Variants in AKAP6 observed in about 807,000 individuals in gnomAD.
The protein encoded by AKAP6 is A-kinase anchoring protein 6, also known as A-kinase anchor protein 6.
A neutral mutation model predicts 188.5 loss-of-function variants in AKAP6; 58 were observed. The ratio of observed to expected loss-of-function variants is 0.31; its 90% CI spans 0.25 to 0.38. AKAP6 has a LOEUF of 0.38. Ranked by LOEUF, AKAP6 falls within the 10% of genes least tolerant of loss-of-function variation. The pLI is 1.00. For missense variants in AKAP6, 2,710 were observed against 2,740.0 expected (o/e 0.99, Z 0.24); for synonymous variants, 989 against 998.6 (o/e 0.99, Z 0.18).
chr14:32,510,464 A>ATATATATATACATATATATATGTG, intron 2 of AKAP6, among the ~76,000 whole-genome samples: 1 of 70,054 alleles, frequency 1.4e-5, no homozygotes, highest in African/African-American at 5.3e-5. Context: ...ATATATGTGT[A>ATATATATATACATATATATATGTG]TATATATATA....
At chr14:32,815,585 T>A (rs1316870826) in intron 12 of AKAP6, among the ~76,000 whole-genome samples, 1 of 152,228 alleles carries the variant, frequency 6.6e-6, no homozygotes, top group Non-Finnish European at 1.5e-5. Context: ...TCATTTACAG[T>A]GCAGTAGAGG....
chr14:32,639,813 TC>T (rs1887677785), intron 7 of AKAP6, among the ~76,000 whole-genome samples: 1 of 152,052 alleles, frequency 6.6e-6, no homozygotes, highest in South Asian at 2.1e-4. Context: ...GAAAATGTCT[TC>T]AGGCTGAAAG....
At chr14:32,825,387 G>A (rs1594990122) in intron 13 of AKAP6, among the ~76,000 whole-genome samples, 1 of 152,290 alleles carries the variant, frequency 6.6e-6, no homozygotes, top group East Asian at 1.9e-4. Context: ...AACAGGAGGG[G>A]AAAGTTGATG....
intron 11 of AKAP6, among the ~76,000 whole-genome samples, chr14:32,770,163 A>G (rs2032854269): frequency 6.6e-6 from 1 of 152,202 alleles, no homozygotes; most frequent in African/African-American, 2.4e-5. Context: ...TGAAAATCAA[A>G]TTGACGGTTT....
chr14:32,796,721 A>T lies in AKAP6; in HGVS notation c.3588+22828A>T, dbSNP rs373215749. Among the ~76,000 whole-genome samples, 5 of 151,850 alleles carry T rather than the reference A, an allele frequency of 3.3e-5. No homozygotes were observed. The East Asian group carries it at 9.6e-4, about 29-fold the overall frequency. ...GCGATACCATTCAGGACATAGCCAT[A>T]CCATTCAGGACATAGCCATGGGTAA... On this transcript the variant is annotated intron_variant, in intron 12 of 13. Coordinates refer to ENST00000280979, the MANE Select transcript of AKAP6 (RefSeq NM_004274.5).
chr14:32,456,229 A>G (rs1363271516), intron 2 of AKAP6, among the ~76,000 whole-genome samples: 1 of 152,186 alleles, frequency 6.6e-6, no homozygotes, highest in African/African-American at 2.4e-5. Context: ...ATGAAAAGCA[A>G]CATTCACCAT....
At chr14:32,585,691 G>A (rs1469781058) in intron 5 of AKAP6, among the ~76,000 whole-genome samples, 1 of 152,162 alleles carries the variant, frequency 6.6e-6, no homozygotes, top group Non-Finnish European at 1.5e-5. Flanking sequence ...CTTCTTGTAG[G>A]ATAAGCAAAG....
At chr14:32,351,457 G>A (rs2138447338) in intron 1 of AKAP6, among the ~76,000 whole-genome samples, 1 of 152,044 alleles carries the variant, frequency 6.6e-6, no homozygotes, top group South Asian at 2.1e-4. Flanking sequence ...AGCTATTTGG[G>A]AGACTGAGGC....
rs1463374087 is a variant in AKAP6, at chr14:32,553,208, G to A, written c.2346+6209G>A. On this transcript the variant is annotated intron_variant, in intron 4 of 13. Coordinates refer to ENST00000280979, the MANE Select transcript of AKAP6 (RefSeq NM_004274.5). ...GATGGAGTCTTGCTCTGTCACCCAG[G>A]CTGGAGTGCAGTGGCACGGTCTCAG... Among the ~76,000 whole-genome samples the A allele has an allele frequency of 9.7e-4, 145 of 149,674 alleles. 3 individuals carry two copies. Among genetic ancestry groups the A allele is most frequent in the Middle Eastern group, 3.4e-3 (1 of 290 alleles).
chr14:32,359,435 T>C (rs1248137921), intron 1 of AKAP6, among the ~76,000 whole-genome samples: 1 of 152,150 alleles, frequency 6.6e-6, no homozygotes, highest in Non-Finnish European at 1.5e-5. Flanking sequence ...ATTATAAAAC[T>C]AATAAAGAAT....
At chr14:32,595,116 C>CG (rs1356409135) in intron 5 of AKAP6, among the ~76,000 whole-genome samples, 2 of 152,172 alleles carry the variant, frequency 1.3e-5, no homozygotes, top group East Asian at 1.9e-4. Flanking sequence ...CCTGTATTAC[C>CG]ACAGCAGCTT....
At chr14:32,759,522 A>G (rs2032464440) in intron 11 of AKAP6, among the ~76,000 whole-genome samples, 1 of 152,208 alleles carries the variant, frequency 6.6e-6, no homozygotes, top group East Asian at 1.9e-4. Context: ...GTCATGCTGT[A>G]TGAAGCCATT....
chr14:32,600,711 C>T lies in AKAP6; in HGVS notation c.2649C>T (p.Leu883=). ...TCAAACGGCAGCACAGCTGGATTCT[C>T]AGGGCTCTGGATACCATCAAAGCCG... ...RQIKRQHSWI[L]RALDTIKAEI... is the part of the protein sequence containing the mutation. The change falls in exon 7 of 14, where the codon CTC becomes CTT. Residue 883 remains leucine, a synonymous_variant. Coordinates refer to ENST00000280979, the MANE Select transcript of AKAP6 (RefSeq NM_004274.5). The T allele has an allele frequency of 6.2e-7, 1 of 1,613,658 alleles. No homozygotes were observed. Among genetic ancestry groups the T allele is most frequent in the South Asian group, 1.1e-5 (1 of 91,014 alleles).
At chr14:32,565,807 AC>A (rs1285494083) in intron 4 of AKAP6, among the ~76,000 whole-genome samples, 2 of 152,216 alleles carry the variant, frequency 1.3e-5, no homozygotes, top group Non-Finnish European at 2.9e-5. Flanking sequence ...AGGATCAGCT[AC>A]TTGAGAGTTC....
At position 32,823,290 on chromosome 14, in the gene AKAP6, A is replaced by AG. The variant is rs1450605929; in HGVS notation, c.5480dup (p.Ser1828GlnfsTer2). 1 of 1,613,842 alleles carries AG rather than the reference A, an allele frequency of 6.2e-7. No individual in the cohort carries two copies. The highest frequency in any genetic ancestry group is 2.2e-5 in the East Asian group (1 of 44,872). ...AGGTGCAATGTCAGTGATGAGATGA[A>AG]GGGCAGTAAAGATATAAGTAGCAGT... On this transcript the variant is annotated frameshift_variant, in exon 13 of 14. Transcript: ENST00000280979. LOFTEE classifies it high-confidence loss of function.
rs112052233 is a variant in AKAP6 at position 32,417,507 on chromosome 14, G to A, written c.-34-15953G>A. Among the ~76,000 whole-genome samples the A allele has an allele frequency of 1.5e-3, 233 of 152,280 alleles. 1 individual carries two copies. The highest frequency in any genetic ancestry group is 5.3e-3 in the African/African-American group (221 of 41,562). Reference sequence around the variant, plus strand: ...GAGTAAATACACAAGGAAGCTGCCAGTTCTTTCTTTCCTGGACTTGAAATT... The same window carrying A: ...GAGTAAATACACAAGGAAGCTGCCAATTCTTTCTTTCCTGGACTTGAAATT... On this transcript the variant is annotated intron_variant, in intron 1 of 13. Coordinates refer to ENST00000280979, the MANE Select transcript of AKAP6 (RefSeq NM_004274.5).
At position 32,475,678 on chromosome 14, in the gene AKAP6, CTT is replaced by C. The variant is rs11156748; in HGVS notation, c.324+41878_324+41879del. On this transcript the variant is annotated intron_variant, in intron 2 of 13. Coordinates refer to ENST00000280979, the MANE Select transcript of AKAP6 (RefSeq NM_004274.5). ...CTGCAGACAGAAATCATTTTCAGCT[CTT>C]TTTTTTTTTTTTTTTTGAGACGGAG... Among the ~76,000 whole-genome samples the C allele has an allele frequency of 4.4e-3, 546 of 123,614 alleles. 3 individuals carry two copies. The highest frequency in any genetic ancestry group is 0.013 in the African/African-American group (408 of 30,790). The allele number at this position is 123,614 out of a possible 152,430, so 81.1% of individuals were successfully genotyped here.
At chr14:32,817,408 A>G (rs2034408364) in intron 12 of AKAP6, among the ~76,000 whole-genome samples, 1 of 151,882 alleles carries the variant, frequency 6.6e-6, no homozygotes, top group South Asian at 2.1e-4. Flanking sequence ...AAAATAAACT[A>G]GCATTATTTA....
chr14:32,648,779 T>A (rs1888087071), intron 7 of AKAP6, among the ~76,000 whole-genome samples: 1 of 152,170 alleles, frequency 6.6e-6, no homozygotes, highest in South Asian at 2.1e-4. Flanking sequence ...CATAAGCATA[T>A]GTGGCCTAAT....
Sources: gnomAD v4.1 joint callset for allele counts (sites outside exome capture counted in the v4.1 genomes callset) on GRCh38, gnomAD v4.1.1 for gene constraint, MANE v1.5 for transcripts, NCBI Gene and HGNC (gene_info 2026-07-23, HGNC 2026-07-21) for gene names.